EPHB1: variants seen among roughly 807,000 people sequenced by gnomAD.
EPHB1 encodes the protein EPH receptor B1.
EPHB1 carries 30 observed loss-of-function variants against 94.4 expected under a neutral mutation model. The ratio of observed to expected loss-of-function variants is 0.32; its 90% CI spans 0.24 to 0.43. EPHB1 has a LOEUF of 0.43. EPHB1 is among the 20% of genes least tolerant of loss of function. The probability of loss-of-function intolerance (pLI) is 1.00; values close to 1 mark genes in which losing one functional copy is unlikely to be tolerated. For synonymous variants in EPHB1, 522 were observed against 489.1 expected (o/e 1.07, Z -0.89); for missense variants, 1,055 against 1,308.3 (o/e 0.81, Z 2.99).
In EPHB1 at chr3:135,167,398, C is replaced by T. The variant is rs868434722; in HGVS notation, c.1759+392C>T. Among the ~76,000 whole-genome samples the T allele has an allele frequency of 9.2e-5, 14 of 152,174 alleles. No homozygotes were observed. In the Middle Eastern group the frequency reaches 0.014, roughly 148 times the overall value. ...TTGAGCAGCTGGGGAATTTGTTAACCAAATTCACAGATAAGCCATAGAACA... is the reference window on the plus strand; with the variant it reads ...TTGAGCAGCTGGGGAATTTGTTAACTAAATTCACAGATAAGCCATAGAACA... On this transcript the variant is annotated intron_variant, in intron 9 of 15. Transcript: ENST00000398015.
At chr3:135,218,620 C>T (rs1943208484) in intron 12 of EPHB1, among the ~76,000 whole-genome samples, 1 of 152,210 alleles carries the variant, frequency 6.6e-6, no homozygotes, top group South Asian at 2.1e-4. Context: ...GTGGGAGGGG[C>T]CAGCCACCTG....
At chr3:135,134,723 T>G (rs1576416288) in intron 5 of EPHB1, among the ~76,000 whole-genome samples, 1 of 152,352 alleles carries the variant, frequency 6.6e-6, no homozygotes, top group East Asian at 1.9e-4. Context: ...TTAGCAGTAT[T>G]TCCCTTGAAG....
chr3:135,188,875 C>T (rs113576457), intron 10 of EPHB1, among the ~76,000 whole-genome samples: 4,990 of 152,290 alleles, frequency 0.033, 124 homozygotes, highest in Middle Eastern at 0.085. Flanking sequence ...TATGAAGACA[C>T]TTCTTTGCCA....
chr3:134,827,605 C>T (rs571290762), intron 1 of EPHB1, among the ~76,000 whole-genome samples: 54 of 152,332 alleles, frequency 3.5e-4, no homozygotes, highest in African/African-American at 1.3e-3. Flanking sequence ...CTGCACAAGT[C>T]CTGAGGGTCA....
At chr3:135,105,727 A>C (rs1295288998) in intron 3 of EPHB1, among the ~76,000 whole-genome samples, 1 of 152,202 alleles carries the variant, frequency 6.6e-6, no homozygotes, top group African/African-American at 2.4e-5. Flanking sequence ...TGCCATGTGC[A>C]TGATAGATGA....
intron 3 of EPHB1, among the ~76,000 whole-genome samples, chr3:134,976,189 A>T (rs984290166): frequency 6.6e-6 from 1 of 152,184 alleles, no homozygotes; most frequent in Non-Finnish European, 1.5e-5. Context: ...GTTCCCCTAC[A>T]TGAATTCAGA....
chr3:135,004,913 C>T (rs1229205121), intron 3 of EPHB1, among the ~76,000 whole-genome samples: 1 of 152,130 alleles, frequency 6.6e-6, no homozygotes, highest in African/African-American at 2.4e-5. Flanking sequence ...AATGTCCTCC[C>T]ATAGCTCAGA....
intron 3 of EPHB1, among the ~76,000 whole-genome samples, chr3:135,090,347 A>G (rs1344254418): frequency 6.6e-6 from 1 of 152,254 alleles, no homozygotes; most frequent in Non-Finnish European, 1.5e-5. Flanking sequence ...CGCAGGTCAG[A>G]CAAAATGAAT....
chr3:135,250,343 T>G (rs1933018989), intron 15 of EPHB1, among the ~76,000 whole-genome samples: 1 of 152,164 alleles, frequency 6.6e-6, no homozygotes. Context: ...CAGCAGATTC[T>G]GAAATTACAT....
intron 1 of EPHB1, among the ~76,000 whole-genome samples, chr3:134,809,345 T>C (rs2036123581): frequency 6.7e-6 from 1 of 148,492 alleles, no homozygotes; most frequent in African/African-American, 2.5e-5. Context: ...TTTCTTCTAT[T>C]CCCAGCTAAG....
chr3:134,834,227 A>G (rs913072594), intron 1 of EPHB1, among the ~76,000 whole-genome samples: 1 of 152,196 alleles, frequency 6.6e-6, no homozygotes, highest in African/African-American at 2.4e-5. Flanking sequence ...AATGCTTAGA[A>G]TAGAGCCTGG....
chr3:134,953,502 C>A (rs1933121158), intron 3 of EPHB1, among the ~76,000 whole-genome samples: 1 of 152,228 alleles, frequency 6.6e-6, no homozygotes, highest in Non-Finnish European at 1.5e-5. Context: ...CCTCTTTGTC[C>A]CATTGGTTGG....
At chr3:134,923,210 T>C (rs1416153045) in intron 1 of EPHB1, among the ~76,000 whole-genome samples, 1 of 152,200 alleles carries the variant, frequency 6.6e-6, no homozygotes, top group East Asian at 1.9e-4. Flanking sequence ...GAACACAAAC[T>C]CACATGGGTA....
At chr3:134,972,374 AT>A (rs1273231737) in intron 3 of EPHB1, among the ~76,000 whole-genome samples, 9 of 146,810 alleles carry the variant, frequency 6.1e-5, no homozygotes, top group Non-Finnish European at 1.2e-4. Flanking sequence ...TATATATAAA[AT>A]ATTTATATAT....
At chr3:135,055,509 A>C (rs962182683) in intron 3 of EPHB1, among the ~76,000 whole-genome samples, 2 of 152,226 alleles carry the variant, frequency 1.3e-5, no homozygotes, top group Non-Finnish European at 2.9e-5. Flanking sequence ...GCCCTTGTCC[A>C]CAATGGCCAT....
At chr3:134,968,098 G>T in intron 3 of EPHB1, among the ~76,000 whole-genome samples, 1 of 152,226 alleles carries the variant, frequency 6.6e-6, no homozygotes, top group East Asian at 1.9e-4. Context: ...AGAGCTGGCA[G>T]CTTGAGTTGT....
intron 3 of EPHB1, among the ~76,000 whole-genome samples, chr3:134,994,062 C>T (rs1934907527): frequency 6.6e-6 from 1 of 152,184 alleles, no homozygotes; most frequent in Non-Finnish European, 1.5e-5. Context: ...TCCATGTGCA[C>T]ATAATACGTT....
intron 3 of EPHB1, among the ~76,000 whole-genome samples, chr3:135,030,011 T>C (rs541687486): frequency 0.064 from 9,620 of 150,586 alleles, 984 homozygotes; most frequent in African/African-American, 0.22. Context: ...TCCAGTTGAT[T>C]GCATCGGCTC....
intron 12 of EPHB1, among the ~76,000 whole-genome samples, chr3:135,218,679 A>G (rs1943211017): frequency 6.6e-6 from 1 of 152,254 alleles, no homozygotes; most frequent in Non-Finnish European, 1.5e-5. Context: ...TAGCCAATAC[A>G]TATTTTTAAA....
Sources: gnomAD v4.1 joint callset for allele counts (sites outside exome capture counted in the v4.1 genomes callset) on GRCh38, gnomAD v4.1.1 for gene constraint, MANE v1.5 for transcripts, NCBI Gene and HGNC (gene_info 2026-07-23, HGNC 2026-07-21) for gene names.